WDFY3: variants seen among roughly 807,000 people sequenced by gnomAD.
WDFY3 encodes WD repeat and FYVE domain containing 3.
A neutral mutation model predicts 409.6 loss-of-function variants in WDFY3; 66 were observed. The ratio of observed to expected loss-of-function variants is 0.16; its 90% CI spans 0.13 to 0.20. The LOEUF (loss-of-function observed/expected upper bound fraction) is 0.20, where lower values mean the gene tolerates loss of function less well. Ranked by LOEUF, WDFY3 falls within the 10% of genes least tolerant of loss-of-function variation. The probability of loss-of-function intolerance (pLI) is 1.00; values close to 1 mark genes in which losing one functional copy is unlikely to be tolerated. For missense variants in WDFY3, 3,031 were observed against 4,298.1 expected (o/e 0.71, Z 8.24); for synonymous variants, 1,521 against 1,537.1 (o/e 0.99, Z 0.25).
intron 8 of WDFY3, among the ~76,000 whole-genome samples, chr4:84,830,197 A>G (rs935130973): frequency 2.0e-5 from 3 of 152,352 alleles, no homozygotes; most frequent in African/African-American, 7.2e-5. Flanking sequence ...GTTTCAGGAC[A>G]GTAATATCAG....
At chr4:84,767,151 T>C (rs1219238523) in intron 30 of WDFY3, among the ~76,000 whole-genome samples, 1 of 152,234 alleles carries the variant, frequency 6.6e-6, no homozygotes, top group Non-Finnish European at 1.5e-5. Flanking sequence ...TTCATGTCTC[T>C]GTCTTATTTT....
chr4:84,787,437 A>C, intron 23 of WDFY3, 45 bp downstream of exon 23: 1 of 1,562,622 alleles, frequency 6.4e-7, no homozygotes, highest in Non-Finnish European at 8.8e-7. Context: ...ATATTGCAGG[A>C]GTTAAGTTTC....
chr4:84,692,393 G>C (rs950774280), intron 59 of WDFY3, among the ~76,000 whole-genome samples: 10 of 151,600 alleles, frequency 6.6e-5, no homozygotes, highest in Admixed American at 6.6e-4. Flanking sequence ...AGATTTTGCA[G>C]AACTTTTTTT....
intron 5 of WDFY3, among the ~76,000 whole-genome samples, chr4:84,841,958 A>G (rs947196914): frequency 1.3e-5 from 2 of 152,222 alleles, no homozygotes; most frequent in African/African-American, 4.8e-5. Context: ...ACACAGAGGA[A>G]TAACTTGAGT....
At position 84,966,637 on chromosome 4, in the gene WDFY3, G is replaced by A. The variant is rs1367455477; in HGVS notation, c.-654C>T. ...TTGCCGTTTCCCGCAGCTGTTGGTG[G>A]CCATCTTTAATCCTCCTCCTCCTCC... On this transcript the variant is annotated 5_prime_UTR_variant, in exon 1 of 68. Coordinates refer to ENST00000295888, the MANE Select transcript of WDFY3 (RefSeq NM_014991.6). 6.6e-6 allele frequency among the ~76,000 whole-genome samples: 1 copy of A among 152,002 alleles called. No homozygotes were observed. The highest frequency in any genetic ancestry group is 1.5e-5 in the Non-Finnish European group (1 of 67,982).
chr4:84,778,352 C>T lies in WDFY3; in HGVS notation c.4518+151G>A, dbSNP rs909590162. 5 of 762,338 alleles carry T rather than the reference C, an allele frequency of 6.6e-6. No individual in the cohort carries two copies. The Admixed American group carries it at 1.6e-4, about 24-fold the overall frequency. 47.2% of individuals were successfully genotyped at this position (762,338 alleles called of 1,614,324 possible). On this transcript the variant is annotated intron_variant, in intron 27 of 67. Transcript: ENST00000295888. ...GGAGAAAAGGAACCCCAGCATTATTCTACTTTTTATATTTTACTAAATGAT... is the reference window on the plus strand; with the variant it reads ...GGAGAAAAGGAACCCCAGCATTATTTTACTTTTTATATTTTACTAAATGAT...
chr4:84,842,638 C>T (rs558434408), intron 5 of WDFY3, among the ~76,000 whole-genome samples: 29 of 151,912 alleles, frequency 1.9e-4, no homozygotes, highest in South Asian at 4.2e-4. Flanking sequence ...AAAAATTAGC[C>T]GAGTGTGGTG....
chr4:84,954,088 A>G (rs925276664), intron 1 of WDFY3, among the ~76,000 whole-genome samples: 18 of 152,302 alleles, frequency 1.2e-4, no homozygotes, highest in African/African-American at 4.3e-4. Flanking sequence ...TACCCAGCAC[A>G]ATCACAATAA....
At chr4:84,923,883 C>T (rs1407557453) in intron 2 of WDFY3, among the ~76,000 whole-genome samples, 1 of 152,112 alleles carries the variant, frequency 6.6e-6, no homozygotes, top group African/African-American at 2.4e-5. Flanking sequence ...CCCATAGTAC[C>T]AGCTATTCGG....
chr4:84,719,844 G>A (rs1356172816), intron 47 of WDFY3, among the ~76,000 whole-genome samples: 9 of 152,106 alleles, frequency 5.9e-5, no homozygotes, highest in Admixed American at 5.9e-4. Flanking sequence ...CATACCTGGT[G>A]TACTTTTATA....
chr4:84,835,348 T>C (rs1317482812), intron 7 of WDFY3, among the ~76,000 whole-genome samples: 2 of 152,202 alleles, frequency 1.3e-5, no homozygotes, highest in Non-Finnish European at 1.5e-5. Flanking sequence ...CAAGCAGCTA[T>C]AATTCCTATG....
intron 24 of WDFY3, among the ~76,000 whole-genome samples, chr4:84,783,332 A>G (rs1418389793): frequency 1.3e-5 from 2 of 152,156 alleles, no homozygotes; most frequent in East Asian, 3.9e-4. Flanking sequence ...CATCTCTACT[A>G]AAATGCAAAA....
At chr4:84,765,007 T>C (rs1185769775) in intron 32 of WDFY3, among the ~76,000 whole-genome samples, 1 of 152,176 alleles carries the variant, frequency 6.6e-6, no homozygotes, top group Non-Finnish European at 1.5e-5. Context: ...ATTTTTCCCA[T>C]CGGACCAAGG....
rs1433354889 is a variant in WDFY3, at chr4:84,741,750, C to CA, written c.6234+10dup. 1.9e-6 allele frequency: 3 copies of CA among 1,595,736 alleles called. No individual in the cohort carries two copies. Among genetic ancestry groups the CA allele is most frequent in the Admixed American group, 3.4e-5 (2 of 58,828 alleles). On this transcript the variant is annotated intron_variant, in intron 38 of 67. Coordinates refer to ENST00000295888, the MANE Select transcript of WDFY3 (RefSeq NM_014991.6). ...ACATGTACTCTACAACTGATAGTGA[C>CA]AATGGATTACCTGTGCAATTAGTTG...
Position 84,810,195 on chromosome 4 carries a change from A to G in WDFY3, c.2037T>C (p.Asn679=). Residue 679 remains asparagine, a synonymous_variant, in exon 14 of 68, where the codon AAT becomes AAC. Coordinates refer to ENST00000295888, the MANE Select transcript of WDFY3 (RefSeq NM_014991.6). ...CAGTGTGAAGAAGTTCAAACACTTG[A>G]TTCTGGTTCACTTTCTCCCAGCCAT... is the stretch of plus-strand genomic sequence containing the variant. The part of the protein sequence containing the change: ...PKNGWEKVNQ[N]QVFELLHTVF... 1 of 1,614,102 alleles carries G rather than the reference A, an allele frequency of 6.2e-7. No homozygotes were observed. The highest frequency in any genetic ancestry group is 8.5e-7 in the Non-Finnish European group (1 of 1,179,982).
chr4:84,787,821 A>C, intron 22 of WDFY3, 108 bp from the exon 23 acceptor site: 1 of 998,668 alleles, frequency 1.0e-6, no homozygotes, highest in Non-Finnish European at 1.5e-6. Flanking sequence ...AACTTTACAA[A>C]TGCACAAAAA....
At position 84,705,403 on chromosome 4, in the gene WDFY3, C is replaced by T; in HGVS notation, c.8326G>A (p.Asp2776Asn). 6.2e-7 allele frequency: 1 copy of T among 1,612,780 alleles called. No homozygotes were observed. The highest frequency in any genetic ancestry group is 8.5e-7 in the Non-Finnish European group (1 of 1,179,288). Residue 2776 changes from aspartate (D) to asparagine (N), a missense_variant, in exon 54 of 68, where the codon GAT (aspartate) becomes AAT (asparagine). Asp to Asn is a conservative substitution (Grantham distance 23). Coordinates refer to ENST00000295888, the MANE Select transcript of WDFY3 (RefSeq NM_014991.6). The part of the protein sequence containing the change: ...QYKKRYKDWE[D>N]PNGETPAYHY... ...AGAAAAAGTTCCTTACCATTAGGAT[C>T]CTCCCAGTCTTTATACCGCTTCTTA...
In WDFY3 at chr4:84,722,379, T is replaced by A. The variant is rs553647570; in HGVS notation, c.7442-807A>T. Among the ~76,000 whole-genome samples the A allele has an allele frequency of 3.9e-5, 6 of 152,146 alleles. No individual in the cohort carries two copies. In the South Asian group the frequency reaches 1.2e-3, roughly 32 times the overall value. ...TCCAGCCTGGGTGACACAGCAAGAC[T>A]CTGTCTCAAAAAAAGTAAAAAATAA... On this transcript the variant is annotated intron_variant, in intron 46 of 67. Coordinates refer to ENST00000295888, the MANE Select transcript of WDFY3 (RefSeq NM_014991.6).
At chr4:84,685,821 T>C (rs959351234) in intron 62 of WDFY3, among the ~76,000 whole-genome samples, 6 of 152,196 alleles carry the variant, frequency 3.9e-5, no homozygotes, top group Non-Finnish European at 8.8e-5. Flanking sequence ...TGCAATCCAC[T>C]AGTGTACACT....
Sources: allele counts gnomAD v4.1 joint callset (sites outside exome capture counted in the v4.1 genomes callset), GRCh38; gene constraint gnomAD v4.1.1; transcripts MANE v1.5; gene names NCBI Gene and HGNC (gene_info 2026-07-23, HGNC 2026-07-21).